Variants in CERT1 observed in about 807,000 individuals in gnomAD.
The protein encoded by CERT1 is ceramide transporter 1, also known as ceramide transfer protein.
CERT1 carries 31 observed loss-of-function variants against 87.9 expected under a neutral mutation model. The observed-to-expected ratio is 0.35, with a 90% CI of 0.27 to 0.48. The LOEUF (loss-of-function observed/expected upper bound fraction) is 0.48, where lower values mean the gene tolerates loss of function less well. Ranked by LOEUF, CERT1 falls within the 20% of genes least tolerant of loss-of-function variation. The probability of loss-of-function intolerance (pLI) is 0.99; values close to 1 mark genes in which losing one functional copy is unlikely to be tolerated. For synonymous variants in CERT1, 289 were observed against 250.9 expected (o/e 1.15, Z -1.44); for missense variants, 487 against 758.0 (o/e 0.64, Z 4.20).
At position 75,483,145 on chromosome 5, in the gene CERT1, CAG is replaced by C. The variant is rs1338270301; in HGVS notation, c.231+22835_231+22836del. On this transcript the variant is annotated intron_variant, in intron 2 of 16. Transcript: ENST00000643780. ...TTAGCTCAATGAAGCTGAAGATAAA[CAG>C]AGAAGAAATTCAGACTCCTATCTGA... Among the ~76,000 whole-genome samples the C allele has an allele frequency of 1.1e-4, 17 of 152,136 alleles. No homozygotes were observed. In the South Asian group the frequency reaches 1.5e-3, roughly 13 times the overall value.
chr5:75,421,417 C>G (rs1440641241), intron 5 of CERT1, among the ~76,000 whole-genome samples: 1 of 152,144 alleles, frequency 6.6e-6, no homozygotes, highest in Admixed American at 6.6e-5. Flanking sequence ...ACAACTCTTA[C>G]AAATCATAAA....
At chr5:75,373,852 A>C (rs1166514370), downstream of CERT1, 1 of 374,912 alleles carries the variant, frequency 2.7e-6, no homozygotes, top group Non-Finnish European at 4.7e-6. Flanking sequence ...TAGTAAATTA[A>C]AAATTCTGAA....
intron 1 of CERT1, among the ~76,000 whole-genome samples, chr5:75,509,206 C>T (rs1767800034): frequency 6.6e-6 from 1 of 152,118 alleles, no homozygotes; most frequent in Non-Finnish European, 1.5e-5. Flanking sequence ...GACTTATTTA[C>T]ATTACTCAAT....
chr5:75,390,830 G>A lies in CERT1; in HGVS notation c.1189-1143C>T, dbSNP rs139107016. 4.0e-3 allele frequency among the ~76,000 whole-genome samples: 602 copies of A among 152,284 alleles called. 6 individuals are homozygous for A. The highest frequency in any genetic ancestry group is 9.2e-3 in the Admixed American group (141 of 15,288). ...ACTTCCCCCCTACCCGCCAGAGACA[G>A]GGTTATTTTGTCACCCAGGTTGGAG... On this transcript the variant is annotated intron_variant, in intron 11 of 16. Coordinates refer to ENST00000643780, the MANE Select transcript of CERT1 (RefSeq NM_001379029.1).
At chr5:75,416,522 T>C (rs993070004) in intron 7 of CERT1, among the ~76,000 whole-genome samples, 1 of 152,216 alleles carries the variant, frequency 6.6e-6, no homozygotes, top group African/African-American at 2.4e-5. Context: ...ACTTTGTAAA[T>C]TGGCATATAA....
rs778857636 is a variant in CERT1 at position 75,416,912 on chromosome 5, A to G, written c.801T>C (p.Val267=). 1 of 1,612,654 alleles carries G rather than the reference A, an allele frequency of 6.2e-7. No homozygotes were observed. Among genetic ancestry groups the G allele is most frequent in the East Asian group, 2.2e-5 (1 of 44,772 alleles). Residue 267 remains valine, a synonymous_variant, in exon 7 of 17, where the codon GTT becomes GTC. Coordinates refer to ENST00000643780, the MANE Select transcript of CERT1 (RefSeq NM_001379029.1). ...ATLSHCIELM[V]KREDSWQKRL... is the part of the protein sequence containing the mutation. ...TCTTCTGCCAGCTGTCCTCACGTTTAACCATTAGTTCAATACAATGAGAAA... is the reference window on the plus strand; with the variant it reads ...TCTTCTGCCAGCTGTCCTCACGTTTGACCATTAGTTCAATACAATGAGAAA...
intron 2 of CERT1, among the ~76,000 whole-genome samples, chr5:75,494,370 T>C (rs1766959214): frequency 6.6e-6 from 1 of 152,188 alleles, no homozygotes; most frequent in Non-Finnish European, 1.5e-5. Flanking sequence ...GGCCAGAGTT[T>C]GGAAGTTGGG....
At chr5:75,477,980 T>G (rs1349654704) in intron 2 of CERT1, among the ~76,000 whole-genome samples, 1 of 152,126 alleles carries the variant, frequency 6.6e-6, no homozygotes, top group African/African-American at 2.4e-5. Flanking sequence ...AAACCCCACT[T>G]AAAAGATAAA....
chr5:75,381,294 T>A, intron 15 of CERT1, 93 bp from the exon 16 acceptor site: 1 of 1,372,360 alleles, frequency 7.3e-7, no homozygotes, highest in South Asian at 1.2e-5. Flanking sequence ...AAATCGTAAC[T>A]CTTAAAAGTA....
downstream of CERT1, chr5:75,375,914 T>C (rs1332756661): frequency 6.6e-6 from 1 of 151,570 alleles, no homozygotes; most frequent in Admixed American, 6.6e-5. Flanking sequence ...TGAATTTGGA[T>C]CTTTGTTAGA....
chr5:75,457,241 T>C (rs1172294604), intron 3 of CERT1, among the ~76,000 whole-genome samples: 1 of 152,228 alleles, frequency 6.6e-6, no homozygotes, highest in African/African-American at 2.4e-5. Flanking sequence ...TTGCTTTTCC[T>C]ATATGCCATA....
intron 11 of CERT1, among the ~76,000 whole-genome samples, chr5:75,393,688 A>T (rs549883399): frequency 8.6e-4 from 128 of 149,486 alleles, no homozygotes; most frequent in Non-Finnish European, 1.2e-3. Flanking sequence ...AATGTTGGCC[A>T]GGCAGGGTGG....
intron 11 of CERT1, among the ~76,000 whole-genome samples, chr5:75,389,951 C>G (rs1340367545): frequency 6.6e-6 from 1 of 151,918 alleles, no homozygotes; most frequent in African/African-American, 2.4e-5. Flanking sequence ...TATCAAGTGA[C>G]CAAAATAAGC....
At chr5:75,499,830 C>G (rs1046125161) in intron 2 of CERT1, among the ~76,000 whole-genome samples, 1 of 152,224 alleles carries the variant, frequency 6.6e-6, no homozygotes, top group Non-Finnish European at 1.5e-5. Flanking sequence ...GACTGGGGCT[C>G]TTGGCTTAAC....
chr5:75,476,688 A>G (rs1158206876), intron 2 of CERT1, among the ~76,000 whole-genome samples: 1 of 152,254 alleles, frequency 6.6e-6, no homozygotes, highest in Admixed American at 6.5e-5. Flanking sequence ...AATCAAAATG[A>G]TAACTTGTTG....
intron 7 of CERT1, among the ~76,000 whole-genome samples, chr5:75,416,376 T>C (rs1405265341): frequency 1.3e-5 from 2 of 152,166 alleles, no homozygotes; most frequent in Non-Finnish European, 2.9e-5. Context: ...TACTATAATA[T>C]TATCAGTGCT....
intron 11 of CERT1, among the ~76,000 whole-genome samples, chr5:75,396,473 T>A (rs1236053742): frequency 1.3e-5 from 2 of 152,090 alleles, no homozygotes; most frequent in African/African-American, 4.8e-5. Flanking sequence ...ATGCCTGTAA[T>A]CCCAGCACTT....
intron 2 of CERT1, among the ~76,000 whole-genome samples, chr5:75,474,123 T>C (rs561316197): frequency 6.6e-6 from 1 of 152,294 alleles, no homozygotes; most frequent in East Asian, 1.9e-4. Context: ...ATTCATAGAT[T>C]CCAGACATTG....
intron 2 of CERT1, among the ~76,000 whole-genome samples, chr5:75,477,394 G>T (rs1425990721): frequency 6.6e-6 from 1 of 151,794 alleles, no homozygotes; most frequent in African/African-American, 2.4e-5. Context: ...ATAAAATACG[G>T]TAAAATTGGT....
Sources: allele counts gnomAD v4.1 joint callset (sites outside exome capture counted in the v4.1 genomes callset), GRCh38; gene constraint gnomAD v4.1.1; transcripts MANE v1.5; gene names NCBI Gene and HGNC (gene_info 2026-07-23, HGNC 2026-07-21).